BNC2: variants seen among roughly 807,000 people sequenced by gnomAD.
The protein encoded by BNC2 is basonuclin zinc finger protein 2, also known as zinc finger protein basonuclin-2.
Under a neutral mutation model 76.3 loss-of-function variants are expected in BNC2, and 20 were observed. That is an observed-to-expected ratio of 0.26 (90% confidence interval 0.18 to 0.38). The LOEUF (loss-of-function observed/expected upper bound fraction) is 0.38. Ranked by LOEUF, BNC2 falls within the 10% of genes least tolerant of loss-of-function variation. The pLI is 1.00. For missense variants in BNC2, 1,382 were observed against 1,399.8 expected (o/e 0.99, Z 0.20); for synonymous variants, 582 against 514.8 (o/e 1.13, Z -1.77).
intron 3 of BNC2, among the ~76,000 whole-genome samples, chr9:16,665,439 AAAG>A (rs1156783413): frequency 1.6e-5 from 1 of 63,452 alleles, no homozygotes; most frequent in African/African-American, 6.9e-5. Context: ...GAAAGAAAAG[AAAG>A]AAAGAAAGAA....
intron 1 of BNC2, among the ~76,000 whole-genome samples, chr9:16,752,875 A>G (rs1825263748): frequency 6.6e-6 from 1 of 152,202 alleles, no homozygotes; most frequent in Non-Finnish European, 1.5e-5. Flanking sequence ...AAAATCTGAC[A>G]CTTAGGGTTT....
At chr9:16,576,401 A>C (rs1342180801) in intron 4 of BNC2, among the ~76,000 whole-genome samples, 1 of 152,182 alleles carries the variant, frequency 6.6e-6, no homozygotes, top group African/African-American at 2.4e-5. Context: ...GCGGAGTGGG[A>C]AGGAGAGAAG....
At chr9:16,633,679 T>A (rs1461804635) in intron 3 of BNC2, among the ~76,000 whole-genome samples, 1 of 152,202 alleles carries the variant, frequency 6.6e-6, no homozygotes, top group African/African-American at 2.4e-5. Flanking sequence ...TGTTAAGGTA[T>A]CCGGAAATAC....
Position 16,598,976 on chromosome 9 carries a change from T to C in BNC2, c.331-15891A>G, listed in dbSNP as rs1587218571. ...GGTTGTGCCTTAAATATGAATAAAT[T>C]AACAACAAAAGTATACTTCAAGGAC... On this transcript the variant is annotated intron_variant, in intron 3 of 6. Coordinates refer to ENST00000380672, the MANE Select transcript of BNC2 (RefSeq NM_017637.6). Among the ~76,000 whole-genome samples, 3 of 152,138 alleles carry C rather than the reference T, an allele frequency of 2.0e-5. No individual in the cohort carries two copies. The South Asian group carries it at 6.2e-4, about 32-fold the overall frequency.
At chr9:16,678,883 C>A (rs754940747) in intron 3 of BNC2, among the ~76,000 whole-genome samples, 1 of 152,138 alleles carries the variant, frequency 6.6e-6, no homozygotes, top group Non-Finnish European at 1.5e-5. Flanking sequence ...AAATTACAAT[C>A]GAAATCAGTG....
intron 4 of BNC2, among the ~76,000 whole-genome samples, chr9:16,553,148 AAAAAC>A (rs1446502880): frequency 1.3e-5 from 2 of 152,190 alleles, no homozygotes; most frequent in Admixed American, 6.5e-5. Flanking sequence ...ACCCCCCACC[AAAAAC>A]AAAACAAAAC....
intron 1 of BNC2, among the ~76,000 whole-genome samples, chr9:16,801,663 T>G (rs1462133541): frequency 2.6e-5 from 4 of 151,700 alleles, no homozygotes; most frequent in Non-Finnish European, 2.9e-5. Context: ...TGACCATACT[T>G]TACAAAGGAG....
chr9:16,593,301 C>G (rs911959415), intron 3 of BNC2, among the ~76,000 whole-genome samples: 6 of 151,974 alleles, frequency 3.9e-5, no homozygotes, highest in African/African-American at 1.4e-4. Context: ...TATATAAATA[C>G]AAACAGGGAG....
intron 1 of BNC2, among the ~76,000 whole-genome samples, chr9:16,820,122 C>T (rs1453082358): frequency 1.2e-5 from 1 of 81,788 alleles, no homozygotes; most frequent in African/African-American, 5.5e-5. Flanking sequence ...GAGACTGTCT[C>T]AAAAAAAAAA....
chr9:16,810,254 C>T (rs1486666059), intron 1 of BNC2, among the ~76,000 whole-genome samples: 1 of 152,140 alleles, frequency 6.6e-6, no homozygotes, highest in African/African-American at 2.4e-5. Flanking sequence ...TAGTCTTCCA[C>T]AAGACAGCAT....
intron 5 of BNC2, among the ~76,000 whole-genome samples, chr9:16,490,389 T>A (rs1822251459): frequency 6.6e-6 from 1 of 152,162 alleles, no homozygotes; most frequent in Non-Finnish European, 1.5e-5. Flanking sequence ...ATGATTCAAT[T>A]ACCTCCCCCT....
At chr9:16,519,306 CT>C (rs1317732678) in intron 5 of BNC2, among the ~76,000 whole-genome samples, 2 of 152,122 alleles carry the variant, frequency 1.3e-5, no homozygotes, top group Non-Finnish European at 2.9e-5. Flanking sequence ...AGGAGTAGCC[CT>C]AGTTGAATGG....
At chr9:16,696,081 A>T (rs1888208) in intron 3 of BNC2, among the ~76,000 whole-genome samples, 92,947 of 151,994 alleles carry the variant, frequency 0.61, 31,652 homozygotes, top group Non-Finnish European at 0.79. Context: ...TTCCAGAATA[A>T]TTCTAACAAG....
intron 3 of BNC2, among the ~76,000 whole-genome samples, chr9:16,608,853 C>G (rs1820457332): frequency 6.6e-6 from 1 of 152,216 alleles, no homozygotes; most frequent in Non-Finnish European, 1.5e-5. Flanking sequence ...AACTCCACTT[C>G]CTCTTCCATT....
At chr9:16,585,854 T>C (rs1819753464) in intron 3 of BNC2, among the ~76,000 whole-genome samples, 1 of 152,050 alleles carries the variant, frequency 6.6e-6, no homozygotes, top group Non-Finnish European at 1.5e-5. Flanking sequence ...CATGTCTGAG[T>C]GCCTCCAACC....
intron 3 of BNC2, among the ~76,000 whole-genome samples, chr9:16,671,572 G>A (rs560498148): frequency 2.0e-5 from 3 of 152,256 alleles, no homozygotes; most frequent in African/African-American, 7.2e-5. Flanking sequence ...TTTCTCATCA[G>A]CTCTGGTCCT....
intron 1 of BNC2, 45 bp downstream of exon 1, chr9:16,870,601 G>C (rs1158921368): frequency 6.2e-7 from 1 of 1,605,846 alleles, no homozygotes; most frequent in Non-Finnish European, 8.5e-7. Context: ...GGTCATTTCT[G>C]AGGAAGTCTA....
chr9:16,659,531 C>A (rs985186474), intron 3 of BNC2, among the ~76,000 whole-genome samples: 1 of 151,414 alleles, frequency 6.6e-6, no homozygotes, highest in Non-Finnish European at 1.5e-5. Context: ...TCGCTTGAAC[C>A]CAGGAGGCGG....
At chr9:16,639,165 A>G (rs1035012277) in intron 3 of BNC2, among the ~76,000 whole-genome samples, 17 of 152,212 alleles carry the variant, frequency 1.1e-4, no homozygotes, top group South Asian at 8.3e-4. Flanking sequence ...TAAAAACAGA[A>G]GTTAATAAAG....
Sources: gnomAD v4.1 joint callset for allele counts (sites outside exome capture counted in the v4.1 genomes callset) on GRCh38, gnomAD v4.1.1 for gene constraint, MANE v1.5 for transcripts, NCBI Gene and HGNC (gene_info 2026-07-23, HGNC 2026-07-21) for gene names.